SAMD12: variants seen among roughly 807,000 people sequenced by gnomAD.
The protein encoded by SAMD12 is sterile alpha motif domain containing 12, also known as sterile alpha motif domain-containing protein 12.
In SAMD12, 9 loss-of-function variants were observed where a neutral mutation model predicts 15.0. The observed-to-expected ratio is 0.60, with a 90% CI of 0.36 to 1.05. The LOEUF is 1.05. Ranked by LOEUF, SAMD12 falls within the 50% of genes least tolerant of loss-of-function variation. The pLI is 0.01. For missense variants in SAMD12, 230 were observed against 234.2 expected, an observed-to-expected ratio of 0.98 and a Z score of 0.12; for synonymous variants, 86 against 90.1, an observed-to-expected ratio of 0.96 and a Z score of 0.25.
Position 118,215,573 on chromosome 8 carries a change from C to A in SAMD12, c.434-17841G>T, listed in dbSNP as rs546468910. ...TGGTGCGCTGGACCCACTAACTCGTCATCTAGCATTATGTATATCTCCCAA... is the reference window on the plus strand; with the variant it reads ...TGGTGCGCTGGACCCACTAACTCGTAATCTAGCATTATGTATATCTCCCAA... On this transcript the variant is annotated intron_variant, in intron 4 of 4. Transcript: ENST00000409003. 6.6e-5 allele frequency among the ~76,000 whole-genome samples: 10 copies of A among 152,192 alleles called. No homozygotes were observed. In the South Asian group the frequency reaches 2.1e-3, roughly 32 times the overall value.
chr8:118,407,347 A>G (rs1821183905), intron 3 of SAMD12, among the ~76,000 whole-genome samples: 1 of 152,150 alleles, frequency 6.6e-6, no homozygotes, highest in African/African-American at 2.4e-5. Context: ...GTTTTTCAAT[A>G]GTCGCCATCC....
chr8:118,261,631 T>TG (rs1813079181), intron 4 of SAMD12, among the ~76,000 whole-genome samples: 1 of 146,726 alleles, frequency 6.8e-6, no homozygotes, highest in African/African-American at 2.7e-5. Context: ...AGAAAACACA[T>TG]GATTTTTTTT....
At chr8:118,165,555 C>T in the SAMD12 span, among the ~76,000 whole-genome samples, 1 of 143,020 alleles carries the variant, frequency 7.0e-6, no homozygotes, top group African/African-American at 2.7e-5. Context: ...TATGCCCGGC[C>T]CTCAAAATAT....
chr8:118,213,026 G>C (rs577577368), intron 4 of SAMD12, among the ~76,000 whole-genome samples: 1 of 152,156 alleles, frequency 6.6e-6, no homozygotes, highest in Non-Finnish European at 1.5e-5. Context: ...AAGCATAAAA[G>C]GGTGGAGGGA....
At chr8:118,312,634 T>C (rs1815687348) in intron 4 of SAMD12, among the ~76,000 whole-genome samples, 1 of 152,216 alleles carries the variant, frequency 6.6e-6, no homozygotes, top group Non-Finnish European at 1.5e-5. Flanking sequence ...CTACAGCTTT[T>C]ATTAAACCAC....
the SAMD12 span, among the ~76,000 whole-genome samples, chr8:118,165,214 C>T: frequency 2.6e-5 from 4 of 152,030 alleles, no homozygotes; most frequent in Non-Finnish European, 5.9e-5. Flanking sequence ...TCTCATGAAC[C>T]TTTTCTTGGG....
intron 1 of SAMD12, among the ~76,000 whole-genome samples, chr8:118,614,778 C>T (rs1200102015): frequency 6.6e-6 from 1 of 152,226 alleles, no homozygotes; most frequent in East Asian, 1.9e-4. Flanking sequence ...GCTGTCCTGT[C>T]CTGCTCTTCA....
intron 4 of SAMD12, among the ~76,000 whole-genome samples, chr8:118,311,100 C>T (rs77914484): frequency 0.017 from 2,623 of 152,312 alleles, 31 homozygotes; most frequent in Non-Finnish European, 0.026. Flanking sequence ...AAAGGTGAGG[C>T]TCAGAAAGAT....
intron 2 of SAMD12, among the ~76,000 whole-genome samples, chr8:118,529,286 GTGGGCTTTTTATCC>G (rs1284986798): frequency 6.6e-6 from 1 of 152,174 alleles, no homozygotes; most frequent in Non-Finnish European, 1.5e-5. Context: ...AATCCACTTG[GTGGGCTTTTTATCC>G]TGGCCAGCAC....
intron 2 of SAMD12, among the ~76,000 whole-genome samples, chr8:118,440,715 CAT>C (rs1174823914): frequency 2.7e-5 from 4 of 149,978 alleles, no homozygotes; most frequent in East Asian, 2.0e-4. Context: ...CACACACACA[CAT>C]ATAAAAACGC....
At chr8:118,439,750 TTTC>T in intron 3 of SAMD12, 79 bp downstream of exon 3, 1 of 1,191,974 alleles carries the variant, frequency 8.4e-7, no homozygotes, top group Non-Finnish European at 1.2e-6. Context: ...GAAGATGTTG[TTTC>T]ATGGTAAGGG....
intron 2 of SAMD12, among the ~76,000 whole-genome samples, chr8:118,543,521 C>G (rs1826039543): frequency 6.6e-6 from 1 of 152,172 alleles, no homozygotes. Flanking sequence ...GCAAGCTTGT[C>G]CAATCCGCGG....
chr8:118,596,340 C>T (rs553331287), intron 1 of SAMD12, among the ~76,000 whole-genome samples: 2 of 152,192 alleles, frequency 1.3e-5, no homozygotes, highest in Non-Finnish European at 2.9e-5. Context: ...GACAAGGAGG[C>T]TGAAGTAATT....
At chr8:118,353,499 T>G (rs922124469) in intron 4 of SAMD12, among the ~76,000 whole-genome samples, 1 of 151,956 alleles carries the variant, frequency 6.6e-6, no homozygotes, top group African/African-American at 2.4e-5. Flanking sequence ...GTGAGGCAAC[T>G]GTCTACAAAT....
intron 2 of SAMD12, among the ~76,000 whole-genome samples, chr8:118,533,651 T>G (rs1363268876): frequency 6.6e-6 from 1 of 152,248 alleles, no homozygotes; most frequent in African/African-American, 2.4e-5. Flanking sequence ...ATAATTAGGA[T>G]AGTTAGCTCT....
chr8:118,254,051 T>C (rs763814815), intron 4 of SAMD12, among the ~76,000 whole-genome samples: 8 of 152,080 alleles, frequency 5.3e-5, no homozygotes, highest in African/African-American at 1.9e-4. Context: ...ACCACCACCA[T>C]AACAATAATA....
chr8:118,294,306 T>C (rs1052034363), intron 4 of SAMD12, among the ~76,000 whole-genome samples: 1 of 152,192 alleles, frequency 6.6e-6, no homozygotes, highest in African/African-American at 2.4e-5. Flanking sequence ...CATCCTGACT[T>C]TCCCCTGAGC....
intron 2 of SAMD12, among the ~76,000 whole-genome samples, chr8:118,472,889 A>AC (rs936569946): frequency 7.0e-6 from 1 of 142,594 alleles, no homozygotes; most frequent in Admixed American, 6.8e-5. Context: ...TTGACAGGAA[A>AC]AAAAAAAAGG....
chr8:118,558,367 T>C (rs1826604394), intron 2 of SAMD12, among the ~76,000 whole-genome samples: 1 of 152,190 alleles, frequency 6.6e-6, no homozygotes, highest in Non-Finnish European at 1.5e-5. Flanking sequence ...AATTTTTCCA[T>C]TCAATTTATT....
Sources: gnomAD v4.1 joint callset for allele counts (sites outside exome capture counted in the v4.1 genomes callset) on GRCh38, gnomAD v4.1.1 for gene constraint, MANE v1.5 for transcripts, NCBI Gene and HGNC (gene_info 2026-07-23, HGNC 2026-07-21) for gene names.